Variants in C14orf132 observed in about 807,000 individuals in gnomAD.
C14orf132 encodes the protein chromosome 14 open reading frame 132.
In C14orf132, 6 loss-of-function variants were observed where a neutral mutation model predicts 5.8. The ratio of observed to expected loss-of-function variants is 1.03; its 90% CI spans 0.57 to 2.04. The LOEUF is 2.04. Ranked by LOEUF, C14orf132 falls within the 30% of genes most tolerant of loss-of-function variation. The probability of loss-of-function intolerance (pLI) is 0.00; values close to 1 mark genes in which losing one functional copy is unlikely to be tolerated. For missense variants in C14orf132, 125 were observed against 115.8 expected (o/e 1.08, Z -0.37); for synonymous variants, 51 against 49.8 (o/e 1.02, Z -0.10).
In C14orf132 at chr14:96,092,933, G is replaced by A. The variant is rs1888463060; in HGVS notation, c.*6198G>A. 6.6e-6 allele frequency: 1 copy of A among 152,234 alleles called. No homozygotes were observed. The highest frequency in any genetic ancestry group is 2.4e-5 in the African/African-American group (1 of 41,440). 9.4% of individuals were successfully genotyped at this position (152,234 alleles called of 1,614,324 possible). On this transcript the variant is annotated 3_prime_UTR_variant, in exon 2 of 2. Coordinates refer to ENST00000555004, the MANE Select transcript of C14orf132 (RefSeq NM_001252507.3). ...GCCACCGAACATCCTACAATGCACA[G>A]GGCAGCCCCCCACAAATAAGAATTA...
intron 1 of C14orf132, among the ~76,000 whole-genome samples, chr14:96,069,530 C>G (rs1262589185): frequency 1.3e-5 from 2 of 152,072 alleles, no homozygotes; most frequent in Non-Finnish European, 2.9e-5. Flanking sequence ...CCATGATTAG[C>G]CAGGGCAGGC....
chr14:96,071,380 G>A (rs1198877862), intron 1 of C14orf132, among the ~76,000 whole-genome samples: 1 of 152,074 alleles, frequency 6.6e-6, no homozygotes, highest in Non-Finnish European at 1.5e-5. Flanking sequence ...AGATTTGGGT[G>A]GGGACACAGC....
intron 1 of C14orf132, among the ~76,000 whole-genome samples, chr14:96,043,084 C>G (rs1595164849): frequency 6.6e-6 from 1 of 152,192 alleles, no homozygotes; most frequent in South Asian, 2.1e-4. Flanking sequence ...TGCTGCCCAC[C>G]ACTTCAAGAG....
At chr14:96,073,147 C>CA (rs1479160617) in intron 1 of C14orf132, among the ~76,000 whole-genome samples, 2 of 135,268 alleles carry the variant, frequency 1.5e-5, no homozygotes, top group African/African-American at 2.8e-5. Context: ...TTAGGAACAT[C>CA]AGGTTTTTTT....
chr14:96,085,797 A>G (rs2139684472), intron 1 of C14orf132, among the ~76,000 whole-genome samples: 1 of 152,342 alleles, frequency 6.6e-6, no homozygotes, highest in South Asian at 2.1e-4. Flanking sequence ...TATCATAGGA[A>G]AAGTGGAAAT....
rs1361162487 is a variant in C14orf132, at chr14:96,090,315, C to T, written c.*3580C>T. 1 of 209,372 alleles carries T rather than the reference C, an allele frequency of 4.8e-6. No individual in the cohort carries two copies. Among genetic ancestry groups the T allele is most frequent in the Non-Finnish European group, 9.5e-6 (1 of 104,972 alleles). The allele number at this position is 209,372 out of a possible 1,614,324, so 13.0% of individuals were successfully genotyped here. ...GCTGACACAGGAGAATTGCTTGAAC[C>T]AGGAGGCGGAGGCTGCAGTGAGCTG... On this transcript the variant is annotated 3_prime_UTR_variant, in exon 2 of 2. Transcript: ENST00000555004.
rs965093826 is a variant in C14orf132 at position 96,093,545 on chromosome 14, A to G, written c.*6810A>G. The G allele has an allele frequency of 6.6e-6, 1 of 152,052 alleles. No homozygotes were observed. The highest frequency in any genetic ancestry group is 1.5e-5 in the Non-Finnish European group (1 of 68,020). The allele number at this position is 152,052 out of a possible 1,614,324, so 9.4% of individuals were successfully genotyped here. On this transcript the variant is annotated 3_prime_UTR_variant, in exon 2 of 2. Transcript: ENST00000555004. Reference sequence around the variant, plus strand: ...AGAAACCTTACTATTATAACTTGCTACTCTCCAGATACCAATTCTTCATGC... The same window carrying G: ...AGAAACCTTACTATTATAACTTGCTGCTCTCCAGATACCAATTCTTCATGC...
chr14:96,054,851 C>T (rs1887132474), intron 1 of C14orf132, among the ~76,000 whole-genome samples: 2 of 152,172 alleles, frequency 1.3e-5, no homozygotes, highest in African/African-American at 4.8e-5. Context: ...TTGGATCTAG[C>T]CCTAATGCAT....
In C14orf132 at chr14:96,091,641, A is replaced by T. The variant is rs746988657; in HGVS notation, c.*4906A>T. The T allele has an allele frequency of 3.9e-5, 6 of 153,874 alleles. No individual in the cohort carries two copies. The highest frequency in any genetic ancestry group is 1.4e-4 in the African/African-American group (6 of 41,474). The allele number at this position is 153,874 out of a possible 1,614,324, so 9.5% of individuals were successfully genotyped here. A position where few individuals can be genotyped will look rare whatever the true frequency, so the allele number is the denominator to read the frequency against. On this transcript the variant is annotated 3_prime_UTR_variant, in exon 2 of 2. Transcript: ENST00000555004. ...AGTGCCAGGGTTGGGCTGAGCTGCTATGACAGGGAGGCCCAGGGAGTTCTG... is the reference window on the plus strand; with the variant it reads ...AGTGCCAGGGTTGGGCTGAGCTGCTTTGACAGGGAGGCCCAGGGAGTTCTG...
Position 96,086,839 on chromosome 14 carries a change from AG to A in C14orf132, c.*108del, listed in dbSNP as rs1888209957. On this transcript the variant is annotated 3_prime_UTR_variant, in exon 2 of 2. Transcript: ENST00000555004. Reference sequence around the variant, plus strand: ...TGTTCTAGAACCAGGAGTTTTGACCAGGGGCGGCGGCCGTCCTTCTGGAATT... The same window carrying A: ...TGTTCTAGAACCAGGAGTTTTGACCAGGGCGGCGGCCGTCCTTCTGGAATT... 3.6e-5 allele frequency: 42 copies of A among 1,168,350 alleles called. No individual in the cohort carries two copies. Among genetic ancestry groups the A allele is most frequent in the Non-Finnish European group, 4.7e-5 (40 of 842,554 alleles). The allele number at this position is 1,168,350 out of a possible 1,614,324, so 72.4% of individuals were successfully genotyped here.
At chr14:96,065,087 C>T (rs890017356) in intron 1 of C14orf132, among the ~76,000 whole-genome samples, 10 of 152,008 alleles carry the variant, frequency 6.6e-5, no homozygotes, top group African/African-American at 1.5e-4. Context: ...GTGTAGCGGT[C>T]GGGGGAGTTT....
At chr14:96,064,184 C>T (rs539301370) in intron 1 of C14orf132, among the ~76,000 whole-genome samples, 1 of 151,990 alleles carries the variant, frequency 6.6e-6, no homozygotes, top group South Asian at 2.1e-4. Flanking sequence ...AAAAGTAGAA[C>T]TACCATTTGA....
chr14:96,049,985 T>A (rs1192596080), intron 1 of C14orf132, among the ~76,000 whole-genome samples: 1 of 152,132 alleles, frequency 6.6e-6, no homozygotes, highest in Non-Finnish European at 1.5e-5. Flanking sequence ...TCTTAACATG[T>A]TCATTGTTAC....
At chr14:96,049,620 G>GTA (rs1164899632) in intron 1 of C14orf132, among the ~76,000 whole-genome samples, 5 of 87,586 alleles carry the variant, frequency 5.7e-5, no homozygotes, top group African/African-American at 2.0e-4. Context: ...ACATATATAC[G>GTA]TATATATATA....
intron 1 of C14orf132, among the ~76,000 whole-genome samples, chr14:96,062,586 G>C (rs1199735041): frequency 6.6e-6 from 1 of 152,116 alleles, no homozygotes; most frequent in Non-Finnish European, 1.5e-5. Flanking sequence ...GGCATTTCCT[G>C]CCTCTTAGGA....
rs938809614 is a variant in C14orf132, at chr14:96,091,096, T to C, written c.*4361T>C. ...TGTCGCATTTTTCTGTGGAGAAAAC[T>C]GAGGCCAGGGCTGAACGCTCACAGC... On this transcript the variant is annotated 3_prime_UTR_variant, in exon 2 of 2. Coordinates refer to ENST00000555004, the MANE Select transcript of C14orf132 (RefSeq NM_001252507.3). 28 of 441,500 alleles carry C rather than the reference T, an allele frequency of 6.3e-5. No individual in the cohort carries two copies. The highest frequency in any genetic ancestry group is 3.1e-4 in the Admixed American group (13 of 41,870). 27.3% of individuals were successfully genotyped at this position (441,500 alleles called of 1,614,324 possible).
chr14:96,069,867 C>T (rs1012804144), intron 1 of C14orf132, among the ~76,000 whole-genome samples: 2 of 152,216 alleles, frequency 1.3e-5, no homozygotes, highest in African/African-American at 4.8e-5. Context: ...ATTTTTACAG[C>T]CTGGAAGTTT....
intron 1 of C14orf132, among the ~76,000 whole-genome samples, chr14:96,050,295 A>C (rs1159636023): frequency 6.6e-6 from 1 of 152,110 alleles, no homozygotes; most frequent in African/African-American, 2.4e-5. Context: ...TGTTTTTAAG[A>C]TTTGTTAGGC....
intron 1 of C14orf132, among the ~76,000 whole-genome samples, chr14:96,044,099 G>A (rs530463951): frequency 1.8e-4 from 28 of 152,340 alleles, no homozygotes; most frequent in African/African-American, 5.8e-4. Context: ...GGGGGGCCAG[G>A]GACCCTCTGT....
Sources: gnomAD v4.1 joint callset for allele counts (sites outside exome capture counted in the v4.1 genomes callset) on GRCh38, gnomAD v4.1.1 for gene constraint, MANE v1.5 for transcripts, NCBI Gene and HGNC (gene_info 2026-07-23, HGNC 2026-07-21) for gene names.